The following ARHGAP24 variants were observed in gnomAD, a reference collection of about 807,000 sequenced individuals.
ARHGAP24 encodes the protein Rho GTPase activating protein 24, also known as rho GTPase-activating protein 24.
In ARHGAP24, 50 loss-of-function variants were observed where a neutral mutation model predicts 76.4. The ratio of observed to expected loss-of-function variants is 0.65; its 90% CI spans 0.52 to 0.83. The LOEUF is 0.83. ARHGAP24 is among the 40% of genes least tolerant of loss of function. ARHGAP24 has a pLI of 0.00. For missense variants in ARHGAP24, 930 were observed against 914.2 expected (o/e 1.02, Z -0.22); for synonymous variants, 345 against 323.3 (o/e 1.07, Z -0.72).
At chr4:85,813,981 G>T (rs1729127512) in intron 3 of ARHGAP24, among the ~76,000 whole-genome samples, 1 of 151,876 alleles carries the variant, frequency 6.6e-6, no homozygotes, top group Admixed American at 6.6e-5. Context: ...TACAGCAGAA[G>T]GTGAAAGGCA....
intron 3 of ARHGAP24, among the ~76,000 whole-genome samples, chr4:85,776,609 A>C (rs896506382): frequency 1.3e-5 from 2 of 152,178 alleles, no homozygotes; most frequent in African/African-American, 4.8e-5. Context: ...ACTGGTCACC[A>C]AAATTGCTAG....
intron 3 of ARHGAP24, among the ~76,000 whole-genome samples, chr4:85,882,693 T>C (rs1228503835): frequency 1.3e-5 from 2 of 152,142 alleles, no homozygotes; most frequent in African/African-American, 4.8e-5. Context: ...TAGCAAAGGT[T>C]TTCCAAAGGA....
chr4:85,478,666 C>T (rs996653669), intron 1 of ARHGAP24, among the ~76,000 whole-genome samples: 1 of 152,080 alleles, frequency 6.6e-6, no homozygotes, highest in Non-Finnish European at 1.5e-5. Context: ...CTTCCAAGCC[C>T]TTTCTTTTTA....
intron 3 of ARHGAP24, among the ~76,000 whole-genome samples, chr4:85,772,362 G>A (rs775676708): frequency 6.6e-6 from 1 of 152,112 alleles, no homozygotes; most frequent in Non-Finnish European, 1.5e-5. Flanking sequence ...TCATCCACAG[G>A]GGGTATAAAA....
intron 2 of ARHGAP24, among the ~76,000 whole-genome samples, chr4:85,714,785 G>T (rs1724673711): frequency 6.6e-6 from 1 of 151,928 alleles, no homozygotes; most frequent in South Asian, 2.1e-4. Context: ...TTCTCCCCCT[G>T]GTAGTACCCC....
chr4:85,546,107 A>C (rs1725911254), intron 1 of ARHGAP24, among the ~76,000 whole-genome samples: 2 of 152,190 alleles, frequency 1.3e-5, no homozygotes, highest in Non-Finnish European at 2.9e-5. Context: ...TACATACTTC[A>C]TAGGGTTATT....
At chr4:85,837,728 A>C (rs1730366830) in intron 3 of ARHGAP24, among the ~76,000 whole-genome samples, 1 of 152,196 alleles carries the variant, frequency 6.6e-6, no homozygotes, top group Non-Finnish European at 1.5e-5. Flanking sequence ...CTCCAGTGTC[A>C]GCAAGCACAC....
At chr4:85,848,284 T>C (rs1731002345) in intron 3 of ARHGAP24, among the ~76,000 whole-genome samples, 1 of 152,200 alleles carries the variant, frequency 6.6e-6, no homozygotes, top group Admixed American at 6.5e-5. Flanking sequence ...GCTGCACCCA[T>C]TAACTCGTCA....
intron 3 of ARHGAP24, among the ~76,000 whole-genome samples, chr4:85,886,287 G>A (rs1733564311): frequency 6.6e-6 from 1 of 152,142 alleles, no homozygotes; most frequent in Non-Finnish European, 1.5e-5. Context: ...GTTACCATGT[G>A]AAATACAAAA....
At chr4:85,516,085 G>T (rs1450533552) in intron 1 of ARHGAP24, among the ~76,000 whole-genome samples, 1 of 152,172 alleles carries the variant, frequency 6.6e-6, no homozygotes, top group Non-Finnish European at 1.5e-5. Flanking sequence ...TCCCAGGTCT[G>T]CTGGTTTTCT....
intron 1 of ARHGAP24, among the ~76,000 whole-genome samples, chr4:85,523,818 G>A (rs988751925): frequency 1.4e-5 from 2 of 146,426 alleles, no homozygotes; most frequent in African/African-American, 5.5e-5. Context: ...GTGGAGGAAG[G>A]TTCCTTGGTT....
chr4:85,995,292 C>G lies in ARHGAP24; in HGVS notation c.1638C>G (p.Asp546Glu). ...AGTTCTCCATGATGAACCTTGATGA[C>G]AAGCAGAGCATTGACAGTGCTACCT... ...HQQFSMMNLD[D>E]KQSIDSATWS... The change falls in exon 9 of 10, where the codon GAC becomes GAG. Residue 546 changes from aspartate (D) to glutamate (E), a missense_variant. Physicochemically the swap from Asp to Glu is conservative, Grantham distance 45. Transcript: ENST00000395184. 6.2e-7 allele frequency: 1 copy of G among 1,614,018 alleles called. No individual in the cohort carries two copies. Among genetic ancestry groups the G allele is most frequent in the Non-Finnish European group, 8.5e-7 (1 of 1,180,028 alleles).
At chr4:85,897,979 A>G (rs889190027) in intron 3 of ARHGAP24, among the ~76,000 whole-genome samples, 3 of 124,572 alleles carry the variant, frequency 2.4e-5, no homozygotes, top group Non-Finnish European at 5.0e-5. Context: ...TTTACCTCTA[A>G]TACACACATA....
At chr4:85,804,525 A>G (rs1176113048) in intron 3 of ARHGAP24, among the ~76,000 whole-genome samples, 1 of 152,214 alleles carries the variant, frequency 6.6e-6, no homozygotes, top group African/African-American at 2.4e-5. Context: ...ACTACCAAAC[A>G]GTATATAAAT....
chr4:85,628,392 T>G (rs978840345), intron 2 of ARHGAP24, among the ~76,000 whole-genome samples: 2 of 152,232 alleles, frequency 1.3e-5, no homozygotes. Context: ...TCTCAATTTG[T>G]GGGCTAATAT....
intron 5 of ARHGAP24, among the ~76,000 whole-genome samples, chr4:85,968,554 T>C (rs1214185847): frequency 2.0e-5 from 3 of 152,154 alleles, no homozygotes; most frequent in African/African-American, 7.2e-5. Context: ...AGAGTATGAT[T>C]GACAGGGTTG....
chr4:85,826,280 T>A (rs1729707821), intron 3 of ARHGAP24, among the ~76,000 whole-genome samples: 1 of 152,168 alleles, frequency 6.6e-6, no homozygotes, highest in South Asian at 2.1e-4. Flanking sequence ...CCTTTCCCCT[T>A]CATTAATCCC....
intron 2 of ARHGAP24, among the ~76,000 whole-genome samples, chr4:85,585,771 A>G (rs1390070422): frequency 1.3e-5 from 2 of 152,224 alleles, no homozygotes; most frequent in African/African-American, 2.4e-5. Flanking sequence ...GGTGGCTTAC[A>G]GTAATGTATT....
chr4:85,521,345 G>A (rs1724738235), intron 1 of ARHGAP24, among the ~76,000 whole-genome samples: 2 of 100,826 alleles, frequency 2.0e-5, no homozygotes, highest in Non-Finnish European at 4.5e-5. Context: ...TAGTGTCTAA[G>A]AGTGGAAATC....
Sources: gnomAD v4.1 joint callset for allele counts (sites outside exome capture counted in the v4.1 genomes callset) on GRCh38, gnomAD v4.1.1 for gene constraint, MANE v1.5 for transcripts, NCBI Gene and HGNC (gene_info 2026-07-23, HGNC 2026-07-21) for gene names.